Variants in ATG4C observed in about 807,000 individuals in gnomAD.
ATG4C encodes the protein cysteine protease ATG4C.
Under a neutral mutation model 57.6 loss-of-function variants are expected in ATG4C, and 56 were observed. The observed-to-expected ratio is 0.97, with a 90% CI of 0.78 to 1.21. The LOEUF is 1.21. Among genes scored for constraint, ATG4C ranks in the 50% most tolerant of loss-of-function variants. The pLI is 0.00. For missense variants in ATG4C, 595 were observed against 529.8 expected (o/e 1.12, Z -1.21); for synonymous variants, 157 against 174.1 (o/e 0.90, Z 0.78).
chr1:62,856,595 T>G (rs1666689982), intron 10 of ATG4C, among the ~76,000 whole-genome samples: 1 of 152,244 alleles, frequency 6.6e-6, no homozygotes, highest in East Asian at 1.9e-4. Context: ...ACACAGTTAA[T>G]AAGTATCAGC....
chr1:62,807,147 T>G (rs1434852993), intron 3 of ATG4C, among the ~76,000 whole-genome samples: 1 of 152,170 alleles, frequency 6.6e-6, no homozygotes, highest in Non-Finnish European at 1.5e-5. Flanking sequence ...GAATATATGC[T>G]TGTGAAATCA....
chr1:62,823,219 A>G (rs1378163850), intron 6 of ATG4C, among the ~76,000 whole-genome samples: 2 of 152,162 alleles, frequency 1.3e-5, no homozygotes, highest in Non-Finnish European at 1.5e-5. Context: ...CACCTTTCAA[A>G]TATCTCCACT....
intron 9 of ATG4C, among the ~76,000 whole-genome samples, chr1:62,837,406 G>A (rs1666030993): frequency 6.6e-6 from 1 of 152,158 alleles, no homozygotes; most frequent in Admixed American, 6.5e-5. Flanking sequence ...AACTCACACT[G>A]TAATTTTCAA....
intron 8 of ATG4C, 104 bp downstream of exon 8, chr1:62,834,220 T>C (rs1665927950): frequency 6.1e-6 from 6 of 984,758 alleles, no homozygotes; most frequent in Middle Eastern, 3.0e-4. Flanking sequence ...GCAAAACGAG[T>C]ACCTTATACA....
At chr1:62,790,149 G>T (rs1360458293) in intron 1 of ATG4C, among the ~76,000 whole-genome samples, 1 of 151,996 alleles carries the variant, frequency 6.6e-6, no homozygotes, top group African/African-American at 2.4e-5. Flanking sequence ...CCGGACCTCC[G>T]GTAATCCACC....
rs953034503 is a variant in ATG4C at position 62,841,500 on chromosome 1, T to C, written c.1162T>C (p.Cys388Arg). ...MDPSCTIGFY[C>R]RNVQDFKRAS... Reference sequence around the variant, plus strand: ...TCCCAGCTGTACAATAGGATTTTACTGTCGAAATGTTCAGGACTTCAAACG... The same window carrying C: ...TCCCAGCTGTACAATAGGATTTTACCGTCGAAATGTTCAGGACTTCAAACG... The change falls in exon 10 of 11, where the codon TGT becomes CGT. Residue 388 changes from cysteine to arginine, a missense_variant. Cys to Arg is a radical substitution (Grantham distance 180). Transcript: ENST00000317868. The C allele has an allele frequency of 3.7e-6, 6 of 1,606,772 alleles. No homozygotes were observed. Among genetic ancestry groups the C allele is most frequent in the Non-Finnish European group, 5.1e-6 (6 of 1,176,016 alleles).
intron 3 of ATG4C, among the ~76,000 whole-genome samples, chr1:62,814,854 C>T (rs939913253): frequency 3.9e-5 from 6 of 152,214 alleles, no homozygotes; most frequent in Non-Finnish European, 7.4e-5. Context: ...TACTTGAGGC[C>T]GGGTGTTTGA....
chr1:62,792,076 C>T (rs1460464952), intron 1 of ATG4C, among the ~76,000 whole-genome samples: 1 of 152,126 alleles, frequency 6.6e-6, no homozygotes, highest in Non-Finnish European at 1.5e-5. Context: ...CGGCTCACTG[C>T]AACCTCTGCC....
In ATG4C at chr1:62,813,657, T is replaced by C. The variant is rs538897274; in HGVS notation, c.161-2918T>C. Among the ~76,000 whole-genome samples the C allele has an allele frequency of 2.4e-4, 36 of 152,092 alleles. 1 individual carries two copies. The highest frequency in any genetic ancestry group is 8.4e-4 in the African/African-American group (35 of 41,478). On this transcript the variant is annotated intron_variant, in intron 3 of 10. Transcript: ENST00000317868. ...CAAAAGAAACTATCATCAGAGTAAA[T>C]AGGCAACCTATAGAATGGGAGAAAA...
At chr1:62,848,984 G>T (rs751067078) in intron 10 of ATG4C, among the ~76,000 whole-genome samples, 3 of 151,854 alleles carry the variant, frequency 2.0e-5, no homozygotes, top group Non-Finnish European at 4.4e-5. Context: ...CTCAATTTGG[G>T]TTTGTCTGTA....
chr1:62,800,969 A>G (rs1664637564), intron 1 of ATG4C, among the ~76,000 whole-genome samples: 1 of 152,192 alleles, frequency 6.6e-6, no homozygotes, highest in South Asian at 2.1e-4. Flanking sequence ...GGACTCCATG[A>G]TAGTAAGGTC....
At chr1:62,817,537 T>C (rs915071176) in intron 4 of ATG4C, among the ~76,000 whole-genome samples, 4 of 152,046 alleles carry the variant, frequency 2.6e-5, no homozygotes, top group Non-Finnish European at 4.4e-5. Flanking sequence ...TGTAGAGATG[T>C]GGTCTCACTA....
rs762862830 is a variant in ATG4C, at chr1:62,803,861, T to G, written c.75T>G (p.Tyr25Ter). 1.6e-5 allele frequency: 25 copies of G among 1,551,702 alleles called. No individual in the cohort carries two copies. The highest frequency in any genetic ancestry group is 2.0e-5 in the Non-Finnish European group (23 of 1,133,642). Reference sequence around the variant, plus strand: ...TATCTGCTTGGAACAACATGAAATATAGTAAGTATCATGTTTTAAAAATTG... The same window carrying G: ...TATCTGCTTGGAACAACATGAAATAGAGTAAGTATCATGTTTTAAAAATTG... ...KFISAWNNMK[Y>*]SWVLKTKTYF... The change falls in exon 2 of 11, where the codon TAT becomes TAG. Residue 25 changes from tyrosine to a stop codon, truncating the protein, a stop_gained and splice_region_variant. Coordinates refer to ENST00000317868, the MANE Select transcript of ATG4C (RefSeq NM_032852.4). LOFTEE classifies it high-confidence loss of function.
intron 1 of ATG4C, among the ~76,000 whole-genome samples, chr1:62,798,959 G>C (rs1664564163): frequency 6.6e-6 from 1 of 152,228 alleles, no homozygotes; most frequent in East Asian, 1.9e-4. Flanking sequence ...TTATTTTTGA[G>C]ACAGTATCTT....
chr1:62,801,978 AAAAAAAAG>A lies in ATG4C; in HGVS notation c.-68-1728_-68-1721del, dbSNP rs1230703609. 6.3e-5 allele frequency among the ~76,000 whole-genome samples: 9 copies of A among 143,862 alleles called. No individual in the cohort carries two copies. In the South Asian group the frequency reaches 1.6e-3, roughly 25 times the overall value. The allele number at this position is 143,862 out of a possible 152,430, so 94.4% of individuals were successfully genotyped here. ...GTCTCCAAAAAAAAAAAAAAAAAAA[AAAAAAAAG>A]AAAAAAAGAAAAGAACTACTCTCTG... is the stretch of plus-strand genomic sequence containing the variant. On this transcript the variant is annotated intron_variant, in intron 1 of 10. Coordinates refer to ENST00000317868, the MANE Select transcript of ATG4C (RefSeq NM_032852.4).
At chr1:62,853,627 G>A (rs1253880753) in intron 10 of ATG4C, among the ~76,000 whole-genome samples, 15 of 151,988 alleles carry the variant, frequency 9.9e-5, no homozygotes. Flanking sequence ...TACATTTTTT[G>A]TAGAGACAGG....
intron 5 of ATG4C, among the ~76,000 whole-genome samples, chr1:62,819,871 C>T (rs1665426962): frequency 6.6e-6 from 1 of 151,864 alleles, no homozygotes; most frequent in African/African-American, 2.4e-5. Flanking sequence ...AGTCAAAAGT[C>T]AAATTTCACT....
At chr1:62,798,785 C>T (rs2100288708) in intron 1 of ATG4C, among the ~76,000 whole-genome samples, 1 of 152,158 alleles carries the variant, frequency 6.6e-6, no homozygotes, top group East Asian at 1.9e-4. Context: ...GCTGGGATTA[C>T]AGGCATGCAC....
intron 3 of ATG4C, among the ~76,000 whole-genome samples, chr1:62,805,548 A>G (rs1421642730): frequency 2.6e-5 from 4 of 152,156 alleles, no homozygotes; most frequent in African/African-American, 9.7e-5. Context: ...CTGATAATTA[A>G]AAGTATCACC....
Sources: allele counts gnomAD v4.1 joint callset (sites outside exome capture counted in the v4.1 genomes callset), GRCh38; gene constraint gnomAD v4.1.1; transcripts MANE v1.5; gene names NCBI Gene and HGNC (gene_info 2026-07-23, HGNC 2026-07-21).